Variants in CTNNA3 observed in about 807,000 individuals in gnomAD.
The protein encoded by CTNNA3 is catenin alpha 3, also known as catenin alpha-3.
Under a neutral mutation model 95.7 loss-of-function variants are expected in CTNNA3, and 76 were observed. The ratio of observed to expected loss-of-function variants is 0.79; its 90% CI spans 0.66 to 0.96. The LOEUF (loss-of-function observed/expected upper bound fraction) is 0.96. CTNNA3 is among the 40% of genes least tolerant of loss of function. The probability of loss-of-function intolerance (pLI) is 0.00; values close to 1 mark genes in which losing one functional copy is unlikely to be tolerated. For missense variants in CTNNA3, 1,191 were observed against 1,089.8 expected (o/e 1.09, Z -1.31); for synonymous variants, 431 against 374.4 (o/e 1.15, Z -1.74).
At chr10:65,986,247 A>G (rs1183173993) in intron 16 of CTNNA3, among the ~76,000 whole-genome samples, 1 of 151,212 alleles carries the variant, frequency 6.6e-6, no homozygotes, top group African/African-American at 2.4e-5. Context: ...TACCCCATAC[A>G]TATATAGACT....
At chr10:67,295,433 C>T (rs1839995610) in intron 5 of CTNNA3, among the ~76,000 whole-genome samples, 1 of 152,086 alleles carries the variant, frequency 6.6e-6, no homozygotes, top group African/African-American at 2.4e-5. Context: ...TATACAGGTA[C>T]TTTCTAAGTT....
rs142962154 is a variant in CTNNA3 at position 66,480,779 on chromosome 10, T to C, written c.1531+39838A>G. Among the ~76,000 whole-genome samples, 902 of 152,154 alleles carry C rather than the reference T, an allele frequency of 5.9e-3. 11 individuals are homozygous for C. The highest frequency in any genetic ancestry group is 0.021 in the African/African-American group (860 of 41,522). ...GCCACCATGCCCGGTTAATTTTTTG[T>C]ATTTTTTAGTAGAGATGGGGTTTCA... On this transcript the variant is annotated intron_variant, in intron 11 of 17. Coordinates refer to ENST00000433211, the MANE Select transcript of CTNNA3 (RefSeq NM_013266.4).
At chr10:65,962,890 C>T (rs781465197) in intron 17 of CTNNA3, among the ~76,000 whole-genome samples, 8 of 152,120 alleles carry the variant, frequency 5.3e-5, no homozygotes, top group Non-Finnish European at 1.0e-4. Flanking sequence ...ATTAACTCAT[C>T]CTTTTATGTG....
intron 13 of CTNNA3, among the ~76,000 whole-genome samples, chr10:66,269,569 T>C (rs1051499075): frequency 1.3e-5 from 2 of 152,206 alleles, no homozygotes; most frequent in African/African-American, 4.8e-5. Flanking sequence ...TAATTAAATT[T>C]CTGATTTCTG....
chr10:66,533,640 C>G (rs926135603), intron 10 of CTNNA3, among the ~76,000 whole-genome samples: 12 of 152,114 alleles, frequency 7.9e-5, no homozygotes, highest in Admixed American at 5.2e-4. Context: ...CAAATAGAAT[C>G]CCTCTTCCCA....
Position 67,192,868 on chromosome 10 carries a change from A to T in CTNNA3, c.844-12348T>A, listed in dbSNP as rs1863181141. ...CTAAGCATCTGCAGATGAATGAATG[A>T]ATAAAGAAATGGTCATATATATGTA... On this transcript the variant is annotated intron_variant, in intron 6 of 17. Coordinates refer to ENST00000433211, the MANE Select transcript of CTNNA3 (RefSeq NM_013266.4). 2.1e-4 allele frequency among the ~76,000 whole-genome samples: 32 copies of T among 152,130 alleles called. 1 individual carries two copies. In the South Asian group the frequency reaches 6.2e-3, roughly 30 times the overall value.
Position 65,966,765 on chromosome 10 carries a change from T to G in CTNNA3, c.2266-19A>C. 1.3e-6 allele frequency: 2 copies of G among 1,578,680 alleles called. No individual in the cohort carries two copies. Among genetic ancestry groups the G allele is most frequent in the Non-Finnish European group, 1.7e-6 (2 of 1,151,900 alleles). ...CTGGGCACTAAATATGAATCAAAGA[T>G]AAAAATAGATACAGCAGAATAAATA... On this transcript the variant is annotated intron_variant, in intron 16 of 17. Coordinates refer to ENST00000433211, the MANE Select transcript of CTNNA3 (RefSeq NM_013266.4).
Position 67,042,919 on chromosome 10 carries a change from A to G in CTNNA3, c.1047+137398T>C, listed in dbSNP as rs948946176. The stretch of plus-strand genomic sequence containing the variant: ...TATATTTCCTGTAACAAATTTGAAT[A>G]TATTCGAACGCTATAAAAGAGGAGC... On this transcript the variant is annotated intron_variant, in intron 7 of 17. Transcript: ENST00000433211. Among the ~76,000 whole-genome samples, 50 of 152,120 alleles carry G rather than the reference A, an allele frequency of 3.3e-4. 1 individual carries two copies. Among genetic ancestry groups the G allele is most frequent in the Admixed American group, 3.2e-3 (49 of 15,268 alleles).
chr10:66,664,890 A>T (rs1458135718), intron 9 of CTNNA3, among the ~76,000 whole-genome samples: 7 of 14,592 alleles, frequency 4.8e-4, no homozygotes, highest in Non-Finnish European at 7.8e-4. Context: ...TGAAAAAATT[A>T]AAAAAAAAAA....
At chr10:67,111,739 G>A (rs1273702340) in intron 7 of CTNNA3, among the ~76,000 whole-genome samples, 1 of 151,900 alleles carries the variant, frequency 6.6e-6, no homozygotes. Context: ...TCTCTCCAGA[G>A]TCATGGTATC....
intron 5 of CTNNA3, among the ~76,000 whole-genome samples, chr10:67,494,250 C>G (rs939098112): frequency 2.0e-5 from 3 of 152,136 alleles, no homozygotes; most frequent in Non-Finnish European, 4.4e-5. Flanking sequence ...AGCTATTTAA[C>G]TCAGCACAAC....
chr10:66,567,679 C>T (rs115845269), intron 10 of CTNNA3, among the ~76,000 whole-genome samples: 2,830 of 152,134 alleles, frequency 0.019, 90 homozygotes, highest in African/African-American at 0.065. Flanking sequence ...CCCTTAACAG[C>T]GAAGGGCTTC....
chr10:65,931,076 G>T (rs2077245389), intron 17 of CTNNA3, among the ~76,000 whole-genome samples: 2 of 152,010 alleles, frequency 1.3e-5, no homozygotes, highest in African/African-American at 2.4e-5. Context: ...AGATTTTTCA[G>T]GGTCTTTGAA....
intron 9 of CTNNA3, among the ~76,000 whole-genome samples, chr10:66,633,407 GCA>G (rs1420371418): frequency 6.6e-6 from 1 of 152,126 alleles, no homozygotes; most frequent in Non-Finnish European, 1.5e-5. Context: ...ATGACCAGGT[GCA>G]GTGGCTCACG....
At chr10:67,682,454 C>T (rs781071930) in intron 1 of CTNNA3, among the ~76,000 whole-genome samples, 2 of 151,818 alleles carry the variant, frequency 1.3e-5, no homozygotes, top group Non-Finnish European at 2.9e-5. Flanking sequence ...TAATTAAATG[C>T]AAATCAAATA....
intron 5 of CTNNA3, among the ~76,000 whole-genome samples, chr10:67,273,088 A>G (rs997308012): frequency 1.3e-5 from 2 of 152,150 alleles, no homozygotes; most frequent in African/African-American, 4.8e-5. Context: ...TCTATCATTT[A>G]TTACTCATGA....
intron 13 of CTNNA3, among the ~76,000 whole-genome samples, chr10:66,226,310 C>T (rs139440868): frequency 2.0e-3 from 301 of 152,170 alleles, no homozygotes; most frequent in African/African-American, 6.6e-3. Context: ...GAAAAGGCTG[C>T]CATTTTCCCA....
intron 9 of CTNNA3, among the ~76,000 whole-genome samples, chr10:66,715,116 T>A (rs191664608): frequency 6.6e-6 from 1 of 152,150 alleles, no homozygotes; most frequent in Admixed American, 6.6e-5. Flanking sequence ...AAATGTCCCC[T>A]TTTTCAGAAT....
chr10:66,157,568 A>G (rs1445331710), intron 13 of CTNNA3, among the ~76,000 whole-genome samples: 1 of 151,962 alleles, frequency 6.6e-6, no homozygotes, highest in Non-Finnish European at 1.5e-5. Context: ...CCATTCATTG[A>G]GTGATGGGCA....
Sources: gnomAD v4.1 joint callset for allele counts (sites outside exome capture counted in the v4.1 genomes callset) on GRCh38, gnomAD v4.1.1 for gene constraint, MANE v1.5 for transcripts, NCBI Gene and HGNC (gene_info 2026-07-23, HGNC 2026-07-21) for gene names.